VMP1: variants seen among roughly 807,000 people sequenced by gnomAD.
The protein encoded by VMP1 is vacuole membrane protein 1.
VMP1 carries 11 observed loss-of-function variants against 56.0 expected under a neutral mutation model. The observed-to-expected ratio is 0.20, with a 90% CI of 0.12 to 0.32. The LOEUF (loss-of-function observed/expected upper bound fraction) is 0.32, where lower values mean the gene tolerates loss of function less well. Among genes scored for constraint, VMP1 ranks in the 10% least tolerant of loss-of-function variants. The pLI, the probability that VMP1 is intolerant of heterozygous loss-of-function variation, is 1.00. For synonymous variants in VMP1, 149 were observed against 165.0 expected (o/e 0.90, Z 0.74); for missense variants, 296 against 490.3 (o/e 0.60, Z 3.74).
At chr17:59,758,849 C>G (rs748767583) in intron 5 of VMP1, among the ~76,000 whole-genome samples, 2 of 151,956 alleles carry the variant, frequency 1.3e-5, no homozygotes, top group Non-Finnish European at 2.9e-5. Context: ...AATCCCAGCA[C>G]TTTGAGAGAC....
chr17:59,738,161 T>G (rs910174776), intron 4 of VMP1, among the ~76,000 whole-genome samples: 8 of 152,192 alleles, frequency 5.3e-5, no homozygotes, highest in African/African-American at 1.9e-4. Context: ...TCTAACATAC[T>G]TTTGTGACCC....
At chr17:59,790,576 G>T (rs2037189493) in intron 7 of VMP1, among the ~76,000 whole-genome samples, 2 of 152,140 alleles carry the variant, frequency 1.3e-5, no homozygotes, top group Non-Finnish European at 2.9e-5. Context: ...GATCACTTGA[G>T]GTCAGGAGTT....
intron 6 of VMP1, among the ~76,000 whole-genome samples, chr17:59,773,351 A>G (rs980588583): frequency 2.0e-5 from 3 of 152,020 alleles, no homozygotes; most frequent in Admixed American, 6.6e-5. Context: ...TAGAGATTCT[A>G]GAGAACTAAA....
chr17:59,751,509 C>T (rs982047083), intron 5 of VMP1, among the ~76,000 whole-genome samples: 5 of 150,596 alleles, frequency 3.3e-5, no homozygotes, highest in South Asian at 4.3e-4. Context: ...TGGGAGGCTG[C>T]GGTGGGTGGA....
In VMP1 at chr17:59,723,917, T is replaced by TA. The variant is rs1165212909; in HGVS notation, c.-26-7497dup. Among the ~76,000 whole-genome samples the TA allele has an allele frequency of 2.6e-5, 4 of 152,140 alleles. No individual in the cohort carries two copies. In the East Asian group the frequency reaches 7.7e-4, roughly 29 times the overall value. On this transcript the variant is annotated intron_variant, in intron 1 of 11. Coordinates refer to ENST00000262291, the MANE Select transcript of VMP1 (RefSeq NM_030938.5). ...GAATTCTCTCACTGCTTTTGTTATT[T>TA]AAAAAAATGTAACAGGGCTGGATAT...
At chr17:59,732,140 T>C (rs2034848643) in intron 2 of VMP1, among the ~76,000 whole-genome samples, 2 of 152,196 alleles carry the variant, frequency 1.3e-5, no homozygotes, top group Admixed American at 1.3e-4. Flanking sequence ...TTGTTTGACA[T>C]CTCAAACACA....
intron 7 of VMP1, among the ~76,000 whole-genome samples, chr17:59,775,561 A>T (rs2036592148): frequency 6.6e-6 from 1 of 151,546 alleles, no homozygotes; most frequent in Admixed American, 6.6e-5. Flanking sequence ...GGCTCAAGTG[A>T]TCCTCCCACC....
chr17:59,820,367 T>C (rs1175120339), intron 10 of VMP1, among the ~76,000 whole-genome samples: 3 of 152,162 alleles, frequency 2.0e-5, no homozygotes, highest in African/African-American at 7.2e-5. Context: ...TCCTGTGCAT[T>C]ATAAGAGATG....
intron 1 of VMP1, among the ~76,000 whole-genome samples, chr17:59,708,881 G>C (rs985941170): frequency 2.0e-5 from 3 of 152,156 alleles, no homozygotes; most frequent in African/African-American, 7.2e-5. Flanking sequence ...GATTTGTGTA[G>C]GTATGAAGTG....
intron 10 of VMP1, among the ~76,000 whole-genome samples, chr17:59,832,081 T>C (rs2038826820): frequency 6.6e-6 from 1 of 151,868 alleles, no homozygotes; most frequent in Non-Finnish European, 1.5e-5. Flanking sequence ...TTTGCTGTTA[T>C]GTTTGTGCCA....
At chr17:59,773,401 G>T (rs1318487102) in intron 6 of VMP1, among the ~76,000 whole-genome samples, 1 of 138,708 alleles carries the variant, frequency 7.2e-6, no homozygotes, top group Non-Finnish European at 1.5e-5. Flanking sequence ...GTTGTCTCAA[G>T]ATTTTTTTTT....
chr17:59,800,807 C>T (rs148900913), intron 7 of VMP1, among the ~76,000 whole-genome samples: 25 of 152,142 alleles, frequency 1.6e-4, no homozygotes, highest in African/African-American at 6.0e-4. Flanking sequence ...ACAGGCTGTG[C>T]GCAGTGGCTC....
chr17:59,715,874 T>C (rs2143713719), intron 1 of VMP1, among the ~76,000 whole-genome samples: 1 of 152,350 alleles, frequency 6.6e-6, no homozygotes, highest in South Asian at 2.1e-4. Context: ...GTGACCTTGC[T>C]AAATTCACTT....
chr17:59,807,473 A>G (rs1430288631), intron 7 of VMP1, among the ~76,000 whole-genome samples: 2 of 151,976 alleles, frequency 1.3e-5, no homozygotes, highest in Non-Finnish European at 2.9e-5. Flanking sequence ...CTGGGATTAC[A>G]GGCCTGAGCC....
chr17:59,788,659 T>G (rs1353098877), intron 7 of VMP1, among the ~76,000 whole-genome samples: 3 of 151,630 alleles, frequency 2.0e-5, no homozygotes, highest in Admixed American at 6.6e-5. Flanking sequence ...ACAAAAAAAT[T>G]AGCTGGGTGT....
intron 7 of VMP1, among the ~76,000 whole-genome samples, chr17:59,782,604 T>G (rs143872601): frequency 5.9e-5 from 9 of 152,286 alleles, no homozygotes; most frequent in African/African-American, 2.2e-4. Flanking sequence ...TGCTCGTAGA[T>G]AACATGTATT....
chr17:59,744,193 G>A (rs1348721677), intron 5 of VMP1, among the ~76,000 whole-genome samples: 1 of 151,674 alleles, frequency 6.6e-6, no homozygotes, highest in Non-Finnish European at 1.5e-5. Flanking sequence ...AGGCGCGGTG[G>A]CTCATGCCTG....
At chr17:59,719,449 A>AT (rs981529883) in intron 1 of VMP1, among the ~76,000 whole-genome samples, 5 of 151,446 alleles carry the variant, frequency 3.3e-5, no homozygotes, top group African/African-American at 7.3e-5. Context: ...CACTGACATA[A>AT]TTTTTTTTTG....
At chr17:59,810,517 GA>G (rs1298059544) in intron 8 of VMP1, among the ~76,000 whole-genome samples, 3 of 151,476 alleles carry the variant, frequency 2.0e-5, no homozygotes, top group African/African-American at 7.3e-5. Context: ...TATGATAAAG[GA>G]AAAAAAAGTT....
Sources: gnomAD v4.1 joint callset for allele counts (sites outside exome capture counted in the v4.1 genomes callset) on GRCh38, gnomAD v4.1.1 for gene constraint, MANE v1.5 for transcripts, NCBI Gene and HGNC (gene_info 2026-07-23, HGNC 2026-07-21) for gene names.